The following DHX15 variants were observed in gnomAD, a reference collection of about 807,000 sequenced individuals.
DHX15 encodes the protein DEAH-box helicase 15.
DHX15 carries 11 observed loss-of-function variants against 94.4 expected under a neutral mutation model. The observed-to-expected ratio is 0.12, with a 90% confidence interval of 0.07 to 0.19. DHX15 has a LOEUF of 0.19. Ranked by LOEUF, DHX15 falls within the 10% of genes least tolerant of loss-of-function variation. The probability of loss-of-function intolerance (pLI) is 1.00; values close to 1 mark genes in which losing one functional copy is unlikely to be tolerated. For missense variants in DHX15, 304 were observed against 988.5 expected, an observed-to-expected ratio of 0.31 and a Z score of 9.29; for synonymous variants, 338 against 329.9, an observed-to-expected ratio of 1.02 and a Z score of -0.27.
rs1319766792 is a variant in DHX15, at chr4:24,537,657, T to C, written c.1787-484A>G. The C allele has an allele frequency of 6.5e-6, 1 of 153,252 alleles. No individual in the cohort carries two copies. Among genetic ancestry groups the C allele is most frequent in the Non-Finnish European group, 1.5e-5 (1 of 68,824 alleles). The allele number at this position is 153,252 out of a possible 1,614,324, so 9.5% of individuals were successfully genotyped here. On this transcript the variant is annotated intron_variant, in intron 10 of 13. Transcript: ENST00000336812. The surrounding 1 kb of genome is among the most constrained non-coding windows in gnomAD (Gnocchi z 4.7). ...AAACCAGTCTACTGCCATGTTTCTATCAGAATTTTTTCCCTAATACTGTGG... is the reference window on the plus strand; with the variant it reads ...AAACCAGTCTACTGCCATGTTTCTACCAGAATTTTTTCCCTAATACTGTGG...
Position 24,560,518 on chromosome 4 carries a change from T to C in DHX15, c.702-4108A>G. Among the ~76,000 whole-genome samples, 2 of 152,124 alleles carry C rather than the reference T, an allele frequency of 1.3e-5. 1 individual carries two copies. The highest frequency in any genetic ancestry group is 3.8e-4 in the East Asian group (2 of 5,204). ...TCAAGTCTCTATGTAGCATGAAGTG[T>C]CATAAAGCAAAGAAATGTATGACAA... is the stretch of plus-strand genomic sequence containing the variant. On this transcript the variant is annotated intron_variant, in intron 3 of 13. Coordinates refer to ENST00000336812, the MANE Select transcript of DHX15 (RefSeq NM_001358.3).
intron 5 of DHX15, among the ~76,000 whole-genome samples, chr4:24,551,078 G>T (rs114223709): frequency 0.011 from 1,627 of 152,188 alleles, 5 homozygotes; most frequent in Non-Finnish European, 0.016. Flanking sequence ...TTCAAGAGGA[G>T]ACATAATGAA....
intron 3 of DHX15, among the ~76,000 whole-genome samples, chr4:24,569,673 C>T (rs1457302288): frequency 2.7e-5 from 4 of 149,976 alleles, no homozygotes; most frequent in Non-Finnish European, 4.4e-5. Flanking sequence ...ACAACAAAGA[C>T]TCTGACAACA....
chr4:24,574,210 A>AAAAAAAAAAAAAAAAAAAAAAG (rs1722191067), intron 2 of DHX15, among the ~76,000 whole-genome samples: 1 of 131,958 alleles, frequency 7.6e-6, no homozygotes. Flanking sequence ...TGTCTCAAAA[A>AAAAAAAAAAAAAAAAAAAAAAG]AAAAAAAAAA....
At chr4:24,576,828 TACAA>T in intron 1 of DHX15, 150 bp from the exon 2 acceptor site, 7 of 1,243,254 alleles carry the variant, frequency 5.6e-6, no homozygotes, top group Non-Finnish European at 7.6e-6. Context: ...AAAAATACCC[TACAA>T]TCAAGGGTTT....
chr4:24,530,830 T>C (rs1367860126), intron 12 of DHX15: 1 of 152,196 alleles, frequency 6.6e-6, no homozygotes, highest in Non-Finnish European at 1.5e-5. Flanking sequence ...GAAAAGAAAC[T>C]CAATTTCATT....
In DHX15 at chr4:24,576,579, C is replaced by T. The variant is rs1466954617; in HGVS notation, c.171G>A (p.Lys57=). Reference sequence around the variant, plus strand: ...TTGTTGAAGCTCGCAACTCCTTCTCCTTTTCTTTCTCCCTCTCTCGCTCTC... The same window carrying T: ...TTGTTGAAGCTCGCAACTCCTTCTCTTTTTCTTTCTCCCTCTCTCGCTCTC... The part of the protein sequence containing the change: ...GDREREREKE[K]EKELRASTNA... The change falls in exon 2 of 14, where the codon AAG becomes AAA. Residue 57 remains lysine, a synonymous_variant. Coordinates refer to ENST00000336812, the MANE Select transcript of DHX15 (RefSeq NM_001358.3). 5 of 1,614,150 alleles carry T rather than the reference C, an allele frequency of 3.1e-6. No homozygotes were observed. Among genetic ancestry groups the T allele is most frequent in the Non-Finnish European group, 4.2e-6 (5 of 1,180,020 alleles).
chr4:24,556,536 G>A (rs1373509046), intron 3 of DHX15, 126 bp from the exon 4 acceptor site: 20 of 745,778 alleles, frequency 2.7e-5, no homozygotes, highest in Non-Finnish European at 4.0e-5. Flanking sequence ...AAACAAATGT[G>A]CTACTGTTTC....
At chr4:24,530,434 C>T (rs1297498914) in intron 12 of DHX15, 1 of 152,236 alleles carries the variant, frequency 6.6e-6, no homozygotes, top group African/African-American at 2.4e-5. Flanking sequence ...AAAAATTAGA[C>T]AAGCGTGGTG....
intron 3 of DHX15, among the ~76,000 whole-genome samples, chr4:24,556,770 C>T (rs948437652): frequency 6.6e-6 from 1 of 152,092 alleles, no homozygotes; most frequent in African/African-American, 2.4e-5. Flanking sequence ...ATATTCAACA[C>T]GCAAAATCTA....
intron 3 of DHX15, among the ~76,000 whole-genome samples, chr4:24,559,468 T>A (rs910164671): frequency 1.3e-5 from 2 of 151,542 alleles, no homozygotes; most frequent in African/African-American, 4.9e-5. Flanking sequence ...AAAACTAACT[T>A]GACACAGAAC....
At chr4:24,536,962 G>C in intron 11 of DHX15, 89 bp downstream of exon 11, 1 of 1,399,014 alleles carries the variant, frequency 7.1e-7, no homozygotes, top group Non-Finnish European at 9.5e-7. Flanking sequence ...AAGTTGTCAC[G>C]GATAATAAAT....
chr4:24,563,942 C>T (rs952047743), intron 3 of DHX15, among the ~76,000 whole-genome samples: 1 of 151,828 alleles, frequency 6.6e-6, no homozygotes, highest in African/African-American at 2.4e-5. Flanking sequence ...TGGTGGGCAG[C>T]TGTAGTCCCA....
chr4:24,543,081 A>C, intron 6 of DHX15, 55 bp from the exon 7 acceptor site: 16 of 1,257,892 alleles, frequency 1.3e-5, no homozygotes, highest in Non-Finnish European at 1.7e-5. Context: ...AATTAACAGG[A>C]CTGTTAAAGA....
At chr4:24,582,802 T>C (rs914060422) in intron 1 of DHX15, among the ~76,000 whole-genome samples, 2 of 152,194 alleles carry the variant, frequency 1.3e-5, no homozygotes, top group Admixed American at 6.5e-5. Context: ...GCTCTGAGTC[T>C]GTGACATACA....
In DHX15 at chr4:24,574,205, C is replaced by CAAAA. The variant is rs61031930; in HGVS notation, c.507+2034_507+2037dup. ...TGGGTGACAGAGCGAGACTTTGTCT[C>CAAAA]AAAAAAAAAAAAAAAAAAAAAAAGT... On this transcript the variant is annotated intron_variant, in intron 2 of 13. Transcript: ENST00000336812. Among the ~76,000 whole-genome samples, 340 of 68,768 alleles carry CAAAA rather than the reference C, an allele frequency of 4.9e-3. 19 individuals are homozygous for CAAAA. Among genetic ancestry groups the CAAAA allele is most frequent in the Non-Finnish European group, 7.2e-3 (259 of 36,068 alleles). The allele number at this position is 68,768 out of a possible 152,430, so 45.1% of individuals were successfully genotyped here. A position where few individuals can be genotyped will look rare whatever the true frequency, so the allele number is the denominator to read the frequency against.
chr4:24,548,827 T>C (rs922370595), intron 6 of DHX15, 28 bp downstream of exon 6: 1 of 1,587,616 alleles, frequency 6.3e-7, no homozygotes, highest in Non-Finnish European at 8.6e-7. Flanking sequence ...ATTAGTGAAA[T>C]ATTTATAAAG....
At position 24,543,036 on chromosome 4, in the gene DHX15, A is replaced by C; in HGVS notation, c.1249-10T>G. The C allele has an allele frequency of 6.3e-7, 1 of 1,575,838 alleles. No individual in the cohort carries two copies. Among genetic ancestry groups the C allele is most frequent in the Non-Finnish European group, 8.7e-7 (1 of 1,146,700 alleles). On this transcript the variant is annotated splice_polypyrimidine_tract_variant and intron_variant, in intron 6 of 13. Coordinates refer to ENST00000336812, the MANE Select transcript of DHX15 (RefSeq NM_001358.3). ...TAGTTGACACAACTACCTGTTAAGAAATAGAGTATATAAATTATATTACAT... is the reference window on the plus strand; with the variant it reads ...TAGTTGACACAACTACCTGTTAAGACATAGAGTATATAAATTATATTACAT...
intron 7 of DHX15, 31 bp downstream of exon 7, chr4:24,542,909 C>CT (rs1721346471): frequency 6.5e-7 from 1 of 1,533,588 alleles, no homozygotes; most frequent in East Asian, 2.3e-5. Flanking sequence ...TAAACCAACT[C>CT]TAATTTATAA....
Sources: allele counts gnomAD v4.1 joint callset (sites outside exome capture counted in the v4.1 genomes callset), GRCh38; gene constraint gnomAD v4.1.1; non-coding constraint Gnocchi (gnomAD v3.1); transcripts MANE v1.5; gene names NCBI Gene and HGNC (gene_info 2026-07-23, HGNC 2026-07-21).